Variants in MROH7 observed in about 807,000 individuals in gnomAD.
MROH7 encodes the protein maestro heat like repeat family member 7.
In MROH7, 113 loss-of-function variants were observed where a neutral mutation model predicts 129.2. The ratio of observed to expected loss-of-function variants is 0.87; its 90% CI spans 0.75 to 1.02. The LOEUF (loss-of-function observed/expected upper bound fraction) is 1.02. Among genes scored for constraint, MROH7 ranks in the 50% least tolerant of loss-of-function variants. The pLI, the probability that MROH7 is intolerant of heterozygous loss-of-function variation, is 0.00. For synonymous variants in MROH7, 655 were observed against 667.9 expected (o/e 0.98, Z 0.30); for missense variants, 1,601 against 1,671.3 (o/e 0.96, Z 0.73).
At chr1:54,692,652 TG>T in intron 16 of MROH7, 91 bp downstream of exon 16, 1 of 1,350,608 alleles carries the variant, frequency 7.4e-7, no homozygotes, top group Non-Finnish European at 1.0e-6. Flanking sequence ...CATCTCTCCC[TG>T]GGCAAGACCC....
chr1:54,659,369 A>G (rs1240463736), intron 3 of MROH7, among the ~76,000 whole-genome samples: 4 of 143,564 alleles, frequency 2.8e-5, no homozygotes, highest in Admixed American at 2.8e-4. Context: ...TGCAACCTCC[A>G]CCTTCGGGGT....
chr1:54,643,978 AT>A (rs533927250), intron 1 of MROH7, among the ~76,000 whole-genome samples: 12 of 151,490 alleles, frequency 7.9e-5, no homozygotes, highest in Admixed American at 5.3e-4. Flanking sequence ...TGCTTTTAAG[AT>A]TTTTTTTTAA....
chr1:54,684,668 G>C (rs969965426), intron 14 of MROH7, among the ~76,000 whole-genome samples: 2 of 152,124 alleles, frequency 1.3e-5, no homozygotes, highest in African/African-American at 2.4e-5. Context: ...CATTAGCTTT[G>C]GGCTGCTGGA....
rs554316180 is a variant in MROH7 at position 54,679,314 on chromosome 1, G to T, written c.2101G>T (p.Ala701Ser). 2.5e-6 allele frequency: 4 copies of T among 1,614,088 alleles called. No individual in the cohort carries two copies. The Admixed American group carries it at 5.0e-5, about 20-fold the overall frequency. ...GCAGATAAAGGACCTGCTGCTGGCC[G>T]CCCTGGAAGGGCTGAAAGGCAGCTC... is the stretch of plus-strand genomic sequence containing the variant. ...PQQIKDLLLA[A>S]LEGLKGSSEA... Residue 701 changes from alanine (A) to serine (S), a missense_variant, in exon 12 of 24, where the codon GCC becomes TCC. Transcript: ENST00000421030.
intron 3 of MROH7, among the ~76,000 whole-genome samples, chr1:54,660,702 C>G (rs879605662): frequency 6.6e-6 from 1 of 152,102 alleles, no homozygotes; most frequent in Non-Finnish European, 1.5e-5. Flanking sequence ...GTAATCCCAG[C>G]TACTCAGGAG....
At chr1:54,672,143 G>A (rs1186239693) in intron 7 of MROH7, among the ~76,000 whole-genome samples, 1 of 152,086 alleles carries the variant, frequency 6.6e-6, no homozygotes. Flanking sequence ...CCTTGGAGAA[G>A]ACTGGGGTTG....
intron 17 of MROH7, chr1:54,695,982 GGAGGTGCTAGGGA>G: frequency 3.8e-6 from 1 of 262,418 alleles, no homozygotes; most frequent in Non-Finnish European, 7.5e-6. Flanking sequence ...TGTGTGTTGG[GGAGGTGCTAGGGA>G]GAGGTGAGTC....
chr1:54,691,784 G>A (rs1182275543), intron 15 of MROH7, among the ~76,000 whole-genome samples: 6 of 127,424 alleles, frequency 4.7e-5, no homozygotes, highest in African/African-American at 1.6e-4. Flanking sequence ...CCAGCCTGGC[G>A]ACAAAAAAAA....
intron 21 of MROH7, among the ~76,000 whole-genome samples, chr1:54,704,919 C>T (rs1645508004): frequency 6.7e-6 from 1 of 150,328 alleles, no homozygotes. Context: ...CCTGCCTCAA[C>T]CTCCTGCGTA....
chr1:54,659,410 G>C (rs1479990714), intron 3 of MROH7, among the ~76,000 whole-genome samples: 1 of 151,130 alleles, frequency 6.6e-6, no homozygotes, highest in Non-Finnish European at 1.5e-5. Context: ...AGCCTCCTGA[G>C]TAGCTGGGAT....
In MROH7 at chr1:54,709,060, G is replaced by A. The variant is rs376885154; in HGVS notation, c.3714G>A (p.Leu1238=). 1.2e-6 allele frequency: 2 copies of A among 1,614,100 alleles called. No individual in the cohort carries two copies. Among genetic ancestry groups the A allele is most frequent in the African/African-American group, 1.3e-5 (1 of 74,946 alleles). The change falls in exon 23 of 24, where the codon CTG becomes CTA. Residue 1238 remains leucine (L), a synonymous_variant. Transcript: ENST00000421030. ...AGAGCATAATGACAGAAGATCGTCT[G>A]AATGAAGTGAAAGCTGGTAAGTCAT... ...CMESIMTEDR[L]NEVKAALDNL... is the part of the protein sequence containing the mutation.
intron 17 of MROH7, chr1:54,699,964 T>C: frequency 1.7e-6 from 1 of 603,012 alleles, no homozygotes; most frequent in South Asian, 2.0e-5. Context: ...ACAGAAGGGG[T>C]GGAACAGCCT....
intron 5 of MROH7, 64 bp downstream of exon 5, chr1:54,669,001 C>A: frequency 7.9e-7 from 1 of 1,262,240 alleles, no homozygotes; most frequent in Admixed American, 1.7e-5. Flanking sequence ...CTGAGTCCAC[C>A]CACTGATGAG....
Position 54,710,178 on chromosome 1 carries a change from G to A in MROH7, c.3963G>A (p.Leu1321=), listed in dbSNP as rs1431240371. The A allele has an allele frequency of 6.2e-7, 1 of 1,611,896 alleles. No homozygotes were observed. Among genetic ancestry groups the A allele is most frequent in the African/African-American group, 1.3e-5 (1 of 75,034 alleles). Residue 1321 remains leucine (L), a synonymous_variant, in exon 24 of 24, where the codon TTG becomes TTA. Coordinates refer to ENST00000421030, the MANE Select transcript of MROH7 (RefSeq NM_001039464.4). ...MQALGSWKMS[L]KK ...CACTGGGCTCCTGGAAGATGTCCTT[G>A]AAGAAGTGACGTCCCTGAGCCCCAA...
chr1:54,671,590 C>G (rs555079478), intron 7 of MROH7, among the ~76,000 whole-genome samples: 1 of 152,238 alleles, frequency 6.6e-6, no homozygotes, highest in Admixed American at 6.5e-5. Context: ...CCTCAGGGGG[C>G]TCATGCGAGC....
chr1:54,644,428 C>T (rs751936169), intron 1 of MROH7, among the ~76,000 whole-genome samples: 2 of 151,740 alleles, frequency 1.3e-5, no homozygotes, highest in Admixed American at 1.3e-4. Context: ...CTGCAACCTC[C>T]ACCTCCTGGG....
At chr1:54,670,718 C>A in intron 6 of MROH7, 82 bp from the exon 7 acceptor site, 2 of 1,562,504 alleles carry the variant, frequency 1.3e-6, no homozygotes, top group South Asian at 1.2e-5. Flanking sequence ...TGCCCAGTCC[C>A]TGTGCTCCTC....
At chr1:54,691,017 T>C (rs1645229591) in intron 15 of MROH7, among the ~76,000 whole-genome samples, 1 of 152,172 alleles carries the variant, frequency 6.6e-6, no homozygotes, top group Non-Finnish European at 1.5e-5. Flanking sequence ...TGCCTGAACT[T>C]TAAGAGAATA....
chr1:54,659,998 T>A (rs1044971445), intron 3 of MROH7, among the ~76,000 whole-genome samples: 1 of 152,238 alleles, frequency 6.6e-6, no homozygotes, highest in Non-Finnish European at 1.5e-5. Flanking sequence ...GATACACTTA[T>A]TTATGTCAGA....
Sources: allele counts gnomAD v4.1 joint callset (sites outside exome capture counted in the v4.1 genomes callset), GRCh38; gene constraint gnomAD v4.1.1; transcripts MANE v1.5; gene names NCBI Gene and HGNC (gene_info 2026-07-23, HGNC 2026-07-21).